CDH18: variants seen among roughly 807,000 people sequenced by gnomAD.
The protein encoded by CDH18 is cadherin-18.
CDH18 carries 31 observed loss-of-function variants against 67.9 expected under a neutral mutation model. The ratio of observed to expected loss-of-function variants is 0.46; its 90% CI spans 0.34 to 0.62. CDH18 has a LOEUF of 0.62. Ranked by LOEUF, CDH18 falls within the 20% of genes least tolerant of loss-of-function variation. CDH18 has a pLI of 0.01. For synonymous variants in CDH18, 362 were observed against 347.2 expected, an observed-to-expected ratio of 1.04 and a Z score of -0.48; for missense variants, 890 against 975.5, an observed-to-expected ratio of 0.91 and a Z score of 1.17.
At chr5:19,956,076 A>C (rs969868517) in intron 2 of CDH18, among the ~76,000 whole-genome samples, 1 of 152,014 alleles carries the variant, frequency 6.6e-6, no homozygotes, top group Admixed American at 6.6e-5. Context: ...AACTGATTTT[A>C]TAGTATCTTT....
At chr5:19,771,608 C>T (rs913930158) in intron 3 of CDH18, among the ~76,000 whole-genome samples, 4 of 152,224 alleles carry the variant, frequency 2.6e-5, no homozygotes, top group African/African-American at 9.6e-5. Flanking sequence ...TGACTGAATT[C>T]CTGACTCACA....
At chr5:19,897,774 G>T (rs2150103000) in intron 2 of CDH18, among the ~76,000 whole-genome samples, 1 of 152,064 alleles carries the variant, frequency 6.6e-6, no homozygotes, top group East Asian at 1.9e-4. Flanking sequence ...TATGAATGGT[G>T]CTAAATGAAA....
At chr5:19,591,693 T>C (rs1388325962) in intron 6 of CDH18, among the ~76,000 whole-genome samples, 1 of 152,022 alleles carries the variant, frequency 6.6e-6, no homozygotes, top group Non-Finnish European at 1.5e-5. Context: ...TAAAATGCCA[T>C]AGCCTGTTTG....
At chr5:19,509,227 G>A (rs1417555680) in intron 10 of CDH18, among the ~76,000 whole-genome samples, 1 of 151,938 alleles carries the variant, frequency 6.6e-6, no homozygotes, top group Non-Finnish European at 1.5e-5. Flanking sequence ...ACTTATAAAT[G>A]GAAGCTAAAC....
rs149606401 is a variant in CDH18 at position 19,929,201 on chromosome 5, A to G, written c.-257+51859T>C. Among the ~76,000 whole-genome samples, 349 of 152,224 alleles carry G rather than the reference A, an allele frequency of 2.3e-3. 1 individual carries two copies. Among genetic ancestry groups the G allele is most frequent in the African/African-American group, 7.8e-3 (325 of 41,550 alleles). On this transcript the variant is annotated intron_variant, in intron 2 of 12. Coordinates refer to ENST00000382275, the MANE Select transcript of CDH18 (RefSeq NM_004934.5). ...CTTCGTGACTAGCAATCTCATGGTT[A>G]TGAGTCATCACTTCTTCCTCTCCTC...
intron 1 of CDH18, among the ~76,000 whole-genome samples, chr5:20,335,667 C>A (rs931506977): frequency 6.6e-6 from 1 of 152,150 alleles, no homozygotes; most frequent in Non-Finnish European, 1.5e-5. Flanking sequence ...AGTCTTATCA[C>A]TTAAATGGAT....
At chr5:20,564,260 TTTTATTTA>T (rs3039398) in intron 1 of CDH18, among the ~76,000 whole-genome samples, 104 of 141,648 alleles carry the variant, frequency 7.3e-4, no homozygotes, top group African/African-American at 8.6e-4. Flanking sequence ...ATTATCACAG[TTTTATTTA>T]TTTATTTATT....
At chr5:19,954,579 C>A (rs1032694183) in intron 2 of CDH18, among the ~76,000 whole-genome samples, 2 of 151,642 alleles carry the variant, frequency 1.3e-5, no homozygotes, top group East Asian at 1.9e-4. Flanking sequence ...GTTGGAACAT[C>A]AAAAATTACA....
In CDH18 at chr5:20,301,497, C is replaced by A. The variant is rs147698069; in HGVS notation, c.-579-45992G>T. Among the ~76,000 whole-genome samples the A allele has an allele frequency of 5.8e-3, 889 of 152,188 alleles. 6 individuals are homozygous for A. The highest frequency in any genetic ancestry group is 0.021 in the African/African-American group (858 of 41,530). On this transcript the variant is annotated intron_variant, in intron 1 of 14. Coordinates refer to the CDH18 transcript ENST00000507958. ...GTTCTGAGTGCCTGATTGGAAAAGA[C>A]CTCCCCATCATCTACCATACTACGG... is the stretch of plus-strand genomic sequence containing the variant.
At chr5:20,336,558 T>C (rs2150035784) in intron 1 of CDH18, among the ~76,000 whole-genome samples, 1 of 151,138 alleles carries the variant, frequency 6.6e-6, no homozygotes, top group East Asian at 2.0e-4. Flanking sequence ...CCGTCTATAC[T>C]AAAAATACAA....
intron 2 of CDH18, among the ~76,000 whole-genome samples, chr5:19,884,731 A>G (rs1561504320): frequency 6.6e-6 from 1 of 151,972 alleles, no homozygotes; most frequent in Non-Finnish European, 1.5e-5. Flanking sequence ...CTTTTATGTT[A>G]TTTTATCATT....
At chr5:20,010,040 G>A (rs530378949) in intron 2 of CDH18, among the ~76,000 whole-genome samples, 5 of 151,702 alleles carry the variant, frequency 3.3e-5, no homozygotes, top group South Asian at 4.2e-4. Flanking sequence ...TTCTTCTTGC[G>A]GGATGCTTTC....
At chr5:20,266,606 T>TTTTTTTTTTC (rs1554109848) in intron 1 of CDH18, among the ~76,000 whole-genome samples, 1 of 147,744 alleles carries the variant, frequency 6.8e-6, no homozygotes, top group African/African-American at 2.5e-5. Context: ...TTTTTGTATT[T>TTTTTTTTTTC]TTAGTAGAGA....
At chr5:19,884,102 C>T (rs1434624794) in intron 2 of CDH18, among the ~76,000 whole-genome samples, 1 of 151,978 alleles carries the variant, frequency 6.6e-6, no homozygotes, top group Non-Finnish European at 1.5e-5. Context: ...CTGTGAATAG[C>T]ACATCTTTTT....
intron 1 of CDH18, among the ~76,000 whole-genome samples, chr5:20,575,201 C>T (rs908066010): frequency 6.6e-6 from 1 of 151,816 alleles, no homozygotes; most frequent in East Asian, 1.9e-4. Context: ...TTCTTCTTTA[C>T]GTGGAGTATC....
intron 2 of CDH18, among the ~76,000 whole-genome samples, chr5:19,920,467 A>T (rs1467720522): frequency 6.7e-6 from 1 of 148,852 alleles, no homozygotes; most frequent in Non-Finnish European, 1.5e-5. Context: ...CTACAAAAGG[A>T]TGTTTATTAA....
At chr5:19,734,102 A>G (rs1042834553) in intron 4 of CDH18, among the ~76,000 whole-genome samples, 2 of 152,188 alleles carry the variant, frequency 1.3e-5, no homozygotes, top group Non-Finnish European at 2.9e-5. Context: ...TGTTCTCTGC[A>G]GTTAATCATT....
chr5:19,893,978 TC>T (rs1789037226), intron 2 of CDH18, among the ~76,000 whole-genome samples: 2 of 152,186 alleles, frequency 1.3e-5, no homozygotes, highest in African/African-American at 4.8e-5. Flanking sequence ...CCTATCATTA[TC>T]ACCTTGCATA....
intron 5 of CDH18, among the ~76,000 whole-genome samples, chr5:19,701,988 A>T (rs1245795135): frequency 6.6e-6 from 1 of 152,082 alleles, no homozygotes; most frequent in African/African-American, 2.4e-5. Flanking sequence ...ATAATCATTT[A>T]TCATGACCTA....
Sources: allele counts gnomAD v4.1 joint callset (sites outside exome capture counted in the v4.1 genomes callset), GRCh38; gene constraint gnomAD v4.1.1; transcripts MANE v1.5; gene names NCBI Gene and HGNC (gene_info 2026-07-23, HGNC 2026-07-21).